PEPD: variants seen among roughly 807,000 people sequenced by gnomAD.
The protein encoded by PEPD is xaa-Pro dipeptidase.
PEPD carries 53 observed loss-of-function variants against 60.7 expected under a neutral mutation model. The ratio of observed to expected loss-of-function variants is 0.87; its 90% confidence interval spans 0.70 to 1.10. The LOEUF is 1.10. Ranked by LOEUF, PEPD falls within the 50% of genes least tolerant of loss-of-function variation. PEPD has a pLI of 0.00. For missense variants in PEPD, 711 were observed against 711.9 expected (o/e 1.00, Z 0.01); for synonymous variants, 267 against 284.1 (o/e 0.94, Z 0.60).
chr19:33,388,194 A>T, intron 13 of PEPD, 113 bp from the exon 14 acceptor site: 1 of 900,412 alleles, frequency 1.1e-6, no homozygotes, highest in Non-Finnish European at 1.8e-6. Context: ...TCTCTTGACC[A>T]TTGGGGTCCT....
intron 3 of PEPD, among the ~76,000 whole-genome samples, chr19:33,509,364 G>A (rs750817267): frequency 6.6e-6 from 1 of 152,258 alleles, no homozygotes; most frequent in Non-Finnish European, 1.5e-5. Context: ...GCTCCAGGCT[G>A]AGTCCTGCCC....
rs77913751 is a variant in PEPD, at chr19:33,457,996, C to G, written c.671+4999G>C. Among the ~76,000 whole-genome samples the G allele has an allele frequency of 3.4e-4, 51 of 152,224 alleles. No individual in the cohort carries two copies. The East Asian group carries it at 8.3e-3, about 25-fold the overall frequency. On this transcript the variant is annotated intron_variant, in intron 9 of 14. Coordinates refer to ENST00000244137, the MANE Select transcript of PEPD (RefSeq NM_000285.4). ...GGGTGGCTCTGTATGGGTTGGGGGG[C>G]GGGTATGTATGTGGTATGTCAATGG...
At chr19:33,495,287 C>T (rs568440727) in intron 4 of PEPD, among the ~76,000 whole-genome samples, 65 of 151,966 alleles carry the variant, frequency 4.3e-4, no homozygotes, top group African/African-American at 1.4e-3. Flanking sequence ...GCAGGTGGAT[C>T]GCGAGGTCAG....
At chr19:33,472,994 G>T (rs772517855) in intron 7 of PEPD, among the ~76,000 whole-genome samples, 4 of 152,206 alleles carry the variant, frequency 2.6e-5, no homozygotes, top group Non-Finnish European at 5.9e-5. Flanking sequence ...TCCTCTCCAA[G>T]AAACCAAAGC....
intron 9 of PEPD, among the ~76,000 whole-genome samples, chr19:33,438,598 C>G (rs547210500): frequency 3.9e-5 from 6 of 152,226 alleles, no homozygotes; most frequent in Non-Finnish European, 8.8e-5. Context: ...TGGAAGCCGA[C>G]AGCCCAACCC....
chr19:33,458,341 T>C (rs191499343), intron 9 of PEPD, among the ~76,000 whole-genome samples: 1 of 150,012 alleles, frequency 6.7e-6, no homozygotes, highest in Non-Finnish European at 1.5e-5. Flanking sequence ...GTGTGGTGTG[T>C]AGGTGCATGT....
In PEPD at chr19:33,387,084, C is replaced by G; in HGVS notation, c.*260G>C. ...ACACATTTTAGTTGCTACTAAAGAA[C>G]AGCATTATTTTCAATCATTTTAAGT... is the stretch of plus-strand genomic sequence containing the variant. On this transcript the variant is annotated 3_prime_UTR_variant, in exon 15 of 15. Coordinates refer to ENST00000244137, the MANE Select transcript of PEPD (RefSeq NM_000285.4). 1.9e-6 allele frequency: 1 copy of G among 526,420 alleles called. No individual in the cohort carries two copies. The allele number at this position is 526,420 out of a possible 1,614,324, so 32.6% of individuals were successfully genotyped here.
At chr19:33,437,741 G>A (rs1020076307) in intron 9 of PEPD, among the ~76,000 whole-genome samples, 6 of 152,238 alleles carry the variant, frequency 3.9e-5, no homozygotes, top group African/African-American at 1.4e-4. Context: ...TAAGTAGGTG[G>A]TGTCATTAGG....
intron 4 of PEPD, 33 bp from the exon 5 acceptor site, chr19:33,493,370 G>C: frequency 6.7e-7 from 1 of 1,499,084 alleles, no homozygotes; most frequent in Non-Finnish European, 9.3e-7. Flanking sequence ...CCACTTTAGA[G>C]GCACCACTAA....
rs35352427 is a variant in PEPD, at chr19:33,472,161, CAAA to C, written c.548+5882_548+5884del. Among the ~76,000 whole-genome samples, 355 of 126,718 alleles carry C rather than the reference CAAA, an allele frequency of 2.8e-3. 2 individuals are homozygous for C. Among genetic ancestry groups the C allele is most frequent in the African/African-American group, 7.8e-3 (278 of 35,436 alleles). The allele number at this position is 126,718 out of a possible 152,430, so 83.1% of individuals were successfully genotyped here. On this transcript the variant is annotated intron_variant, in intron 7 of 14. Transcript: ENST00000244137. ...GGGCAACAAGAACAAAACTCCATCT[CAAA>C]AAAAAAAAAAAAAATCAGCTAGGCA... is the stretch of plus-strand genomic sequence containing the variant.
chr19:33,416,148 G>C (rs370782344), intron 9 of PEPD, among the ~76,000 whole-genome samples: 2 of 152,336 alleles, frequency 1.3e-5, no homozygotes, highest in East Asian at 1.9e-4. Flanking sequence ...GCCCATGCTT[G>C]ATGCGGACGC....
At chr19:33,414,131 T>C (rs562925598) in intron 9 of PEPD, among the ~76,000 whole-genome samples, 303 of 152,248 alleles carry the variant, frequency 2.0e-3, no homozygotes, top group African/African-American at 7.0e-3. Context: ...ACAGGAGCTA[T>C]GGGCAGAAGG....
At chr19:33,418,313 G>C (rs1968934469) in intron 9 of PEPD, among the ~76,000 whole-genome samples, 1 of 152,210 alleles carries the variant, frequency 6.6e-6, no homozygotes, top group Admixed American at 6.5e-5. Context: ...ATCCTTTTCA[G>C]AGTAAGGGCC....
At chr19:33,485,690 TC>T (rs1970384368) in intron 6 of PEPD, among the ~76,000 whole-genome samples, 1 of 152,070 alleles carries the variant, frequency 6.6e-6, no homozygotes, top group Non-Finnish European at 1.5e-5. Context: ...ACCCCCAAAT[TC>T]AGAATTTCAT....
At chr19:33,497,020 C>G (rs572800036) in intron 4 of PEPD, among the ~76,000 whole-genome samples, 1 of 152,388 alleles carries the variant, frequency 6.6e-6, no homozygotes, top group South Asian at 2.1e-4. Flanking sequence ...GAAAATAAAC[C>G]TTCTTTCGTG....
At chr19:33,389,371 C>G (rs1390849988) in intron 13 of PEPD, among the ~76,000 whole-genome samples, 3 of 152,210 alleles carry the variant, frequency 2.0e-5, no homozygotes, top group Non-Finnish European at 2.9e-5. Flanking sequence ...GTGACAGTCC[C>G]TCTGCGCAGG....
chr19:33,443,486 G>T (rs1045556378), intron 9 of PEPD, among the ~76,000 whole-genome samples: 8 of 152,228 alleles, frequency 5.3e-5, no homozygotes, highest in African/African-American at 1.7e-4. Context: ...GCTTATTTAT[G>T]ATTCTATTTC....
At chr19:33,455,237 A>G (rs1380930539) in intron 9 of PEPD, among the ~76,000 whole-genome samples, 6 of 152,252 alleles carry the variant, frequency 3.9e-5, no homozygotes, top group Non-Finnish European at 8.8e-5. Context: ...TTACTAATAC[A>G]TAATAGGGAA....
chr19:33,435,448 C>T (rs1445173349), intron 9 of PEPD, among the ~76,000 whole-genome samples: 1 of 152,236 alleles, frequency 6.6e-6, no homozygotes. Flanking sequence ...GCTGCCCGGG[C>T]CCCTCGGCAG....
Sources: gnomAD v4.1 joint callset for allele counts (sites outside exome capture counted in the v4.1 genomes callset) on GRCh38, gnomAD v4.1.1 for gene constraint, MANE v1.5 for transcripts, NCBI Gene and HGNC (gene_info 2026-07-23, HGNC 2026-07-21) for gene names.